The following RYR2 variants were observed in gnomAD, a reference collection of about 807,000 sequenced individuals.
RYR2 encodes the protein cardiac muscle ryanodine receptor-calcium release channel.
A neutral mutation model predicts 601.1 loss-of-function variants in RYR2; 227 were observed. The observed-to-expected ratio is 0.38, with a 90% CI of 0.34 to 0.42. The LOEUF (loss-of-function observed/expected upper bound fraction) is 0.42, where lower values mean the gene tolerates loss of function less well. Among genes scored for constraint, RYR2 ranks in the 10% least tolerant of loss-of-function variants. The pLI is 1.00. For synonymous variants in RYR2, 2,223 were observed against 2,175.1 expected (o/e 1.02, Z -0.61); for missense variants, 4,646 against 6,156.5 (o/e 0.75, Z 8.21).
chr1:237,508,650 AT>A (rs1368690334), intron 23 of RYR2, among the ~76,000 whole-genome samples: 1 of 150,676 alleles, frequency 6.6e-6, no homozygotes, highest in East Asian at 1.9e-4. Context: ...AAGTCTCACT[AT>A]TATTGATTCT....
chr1:237,737,457 C>T (rs1324702960), intron 79 of RYR2, among the ~76,000 whole-genome samples: 1 of 152,216 alleles, frequency 6.6e-6, no homozygotes, highest in African/African-American at 2.4e-5. Flanking sequence ...TGTACCCTCA[C>T]TTGCACTGCC....
chr1:237,519,857 G>T (rs1490297725), intron 24 of RYR2, among the ~76,000 whole-genome samples: 1 of 152,048 alleles, frequency 6.6e-6, no homozygotes, highest in Non-Finnish European at 1.5e-5. Flanking sequence ...TGAATTTATG[G>T]ATTGCTTTGG....
At chr1:237,795,836 G>GTGTATATATATATATATATATA (rs371932356) in intron 96 of RYR2, among the ~76,000 whole-genome samples, 2 of 132,690 alleles carry the variant, frequency 1.5e-5, no homozygotes, top group Non-Finnish European at 3.1e-5. Context: ...GTGTGTGTGT[G>GTGTATATATATATATATATATA]TATATATATA....
chr1:237,433,552 T>C (rs1159946869), intron 12 of RYR2, among the ~76,000 whole-genome samples: 1 of 152,138 alleles, frequency 6.6e-6, no homozygotes, highest in Non-Finnish European at 1.5e-5. Flanking sequence ...TCAGAGAAAA[T>C]AGAATAGCTC....
chr1:237,401,341 A>G (rs1456130342), intron 10 of RYR2, among the ~76,000 whole-genome samples: 1 of 152,212 alleles, frequency 6.6e-6, no homozygotes, highest in Non-Finnish European at 1.5e-5. Flanking sequence ...AACTGCCTCT[A>G]TCTCAGATAC....
At chr1:237,431,357 G>T (rs959261761) in intron 12 of RYR2, among the ~76,000 whole-genome samples, 1 of 152,126 alleles carries the variant, frequency 6.6e-6, no homozygotes, top group African/African-American at 2.4e-5. Flanking sequence ...TACAAAGATG[G>T]AGAAAGGAGA....
chr1:237,495,100 T>A (rs1005969876), intron 19 of RYR2, among the ~76,000 whole-genome samples: 5 of 152,302 alleles, frequency 3.3e-5, no homozygotes, highest in Non-Finnish European at 5.9e-5. Context: ...ATGTGTTTTT[T>A]AAAAATATAT....
chr1:237,182,234 T>G (rs528703515), intron 1 of RYR2, among the ~76,000 whole-genome samples: 26 of 152,100 alleles, frequency 1.7e-4, no homozygotes, highest in Middle Eastern at 6.8e-3. Context: ...CAATTCTCCT[T>G]CCTCAGCCTC....
At position 237,722,836 on chromosome 1, in the gene RYR2, A is replaced by C. The variant is rs1962329; in HGVS notation, c.10555-292A>C. Among the ~76,000 whole-genome samples the C allele has an allele frequency of 9.0e-3, 1,369 of 152,306 alleles. 59 individuals carry two copies. The East Asian group carries it at 0.13, about 15-fold the overall frequency. ...GATTAGTGTAGTCAGACAAATTAGC[A>C]TATCTATCTCCTCGCATAGTTACCT... On this transcript the variant is annotated intron_variant, in intron 73 of 104. Transcript: ENST00000366574.
chr1:237,692,469 T>C (rs1020051438), intron 63 of RYR2, among the ~76,000 whole-genome samples: 2 of 152,170 alleles, frequency 1.3e-5, no homozygotes, highest in African/African-American at 4.8e-5. Flanking sequence ...TCCCATGCCT[T>C]TAGGGTAGAA....
intron 13 of RYR2, among the ~76,000 whole-genome samples, chr1:237,444,148 T>G (rs1708135889): frequency 6.6e-6 from 1 of 152,186 alleles, no homozygotes; most frequent in Non-Finnish European, 1.5e-5. Flanking sequence ...TTAGCCTGGT[T>G]TGTGAGAGCT....
intron 6 of RYR2, among the ~76,000 whole-genome samples, chr1:237,373,800 A>G (rs77936709): frequency 0.037 from 5,634 of 152,342 alleles, 167 homozygotes; most frequent in Non-Finnish European, 0.056. Flanking sequence ...GTGCAGTGAC[A>G]TGCTGTGCAC....
At chr1:237,752,682 AAATT>A (rs1324266788) in intron 80 of RYR2, among the ~76,000 whole-genome samples, 1 of 152,208 alleles carries the variant, frequency 6.6e-6, no homozygotes, top group Non-Finnish European at 1.5e-5. Flanking sequence ...GCTGCAAACC[AAATT>A]ATTAGTACAA....
chr1:237,054,006 A>G (rs921751457), intron 1 of RYR2, among the ~76,000 whole-genome samples: 2 of 152,230 alleles, frequency 1.3e-5, no homozygotes. Context: ...TGATTCCTGG[A>G]ACAATCCATT....
In RYR2 at chr1:237,319,606, T is replaced by C. The variant is rs77295671; in HGVS notation, c.169-11272T>C. Among the ~76,000 whole-genome samples, 593 of 152,328 alleles carry C rather than the reference T, an allele frequency of 3.9e-3. 2 individuals are homozygous for C. The highest frequency in any genetic ancestry group is 0.014 in the African/African-American group (567 of 41,568). ...TTTTAAGACTAGCTTTCTAGAGACT[T>C]TGCTATTCCTTCATAGCTTAGAGTT... On this transcript the variant is annotated intron_variant, in intron 2 of 104. Transcript: ENST00000366574.
intron 81 of RYR2, 51 bp downstream of exon 81, chr1:237,756,438 G>T: frequency 8.0e-7 from 1 of 1,250,670 alleles, no homozygotes; most frequent in South Asian, 1.4e-5. Flanking sequence ...AGATTTCCTC[G>T]TTGCTCTCAA....
At position 237,610,801 on chromosome 1, in the gene RYR2, C is replaced by T. The variant is rs397516535; in HGVS notation, c.4723C>T (p.His1575Tyr). Reference sequence around the variant, plus strand: ...CTCGGCGGGATTATTCAAGAGTGAGCACAAGAACCCCGTGCCGCAGTGCCC... The same window carrying T: ...CTCGGCGGGATTATTCAAGAGTGAGTACAAGAACCCCGTGCCGCAGTGCCC... ...PLSAGLFKSE[H>Y]KNPVPQCPPR... is the part of the protein sequence containing the mutation. Residue 1575 changes from histidine to tyrosine, a missense_variant, in exon 36 of 105, where the codon CAC becomes TAC. His to Tyr is a moderately conservative substitution (Grantham distance 83). Coordinates refer to ENST00000366574, the MANE Select transcript of RYR2 (RefSeq NM_001035.3). The surrounding 1 kb of genome is among the most constrained non-coding windows in gnomAD (Gnocchi z 4.9). The T allele has an allele frequency of 4.3e-6, 7 of 1,609,678 alleles. No individual in the cohort carries two copies. The highest frequency in any genetic ancestry group is 5.9e-6 in the Non-Finnish European group (7 of 1,178,402).
At chr1:237,494,092 T>C (rs1663753551) in intron 19 of RYR2, among the ~76,000 whole-genome samples, 1 of 152,114 alleles carries the variant, frequency 6.6e-6, no homozygotes, top group South Asian at 2.1e-4. Context: ...CAGGCTTCTC[T>C]AGAGGCACAG....
At chr1:237,721,927 A>T (rs1030379328) in intron 73 of RYR2, among the ~76,000 whole-genome samples, 1 of 152,186 alleles carries the variant, frequency 6.6e-6, no homozygotes, top group African/African-American at 2.4e-5. Flanking sequence ...ACTTATAATA[A>T]TGTTTCTAAA....
Sources: allele counts gnomAD v4.1 joint callset (sites outside exome capture counted in the v4.1 genomes callset), GRCh38; gene constraint gnomAD v4.1.1; non-coding constraint Gnocchi (gnomAD v3.1); transcripts MANE v1.5; gene names NCBI Gene and HGNC (gene_info 2026-07-23, HGNC 2026-07-21).